Variants in PHF14 observed in about 807,000 individuals in gnomAD.
PHF14 encodes PHD finger protein 14.
In PHF14, 55 loss-of-function variants were observed where a neutral mutation model predicts 117.9. That is an observed-to-expected ratio of 0.47 (90% CI 0.38 to 0.58). PHF14 has a LOEUF of 0.58. Ranked by LOEUF, PHF14 falls within the 20% of genes least tolerant of loss-of-function variation. The pLI is 0.00. For synonymous variants in PHF14, 409 were observed against 368.6 expected (o/e 1.11, Z -1.26); for missense variants, 978 against 1,122.2 (o/e 0.87, Z 1.84).
chr7:11,122,569 G>A (rs568592144), intron 17 of PHF14, among the ~76,000 whole-genome samples: 1 of 151,036 alleles, frequency 6.6e-6, no homozygotes, highest in Non-Finnish European at 1.5e-5. Context: ...CTGATTCCCA[G>A]TAGAGGGAAC....
chr7:11,155,166 T>C (rs1458668825), intron 17 of PHF14, among the ~76,000 whole-genome samples: 1 of 152,206 alleles, frequency 6.6e-6, no homozygotes, highest in Admixed American at 6.5e-5. Flanking sequence ...TTTAATAATT[T>C]TAGTCGTCAA....
intron 16 of PHF14, chr7:11,063,011 G>T: frequency 1.3e-6 from 1 of 786,276 alleles, no homozygotes; most frequent in Non-Finnish European, 1.5e-6. Flanking sequence ...ATATATTAGT[G>T]TTGTTGTATG....
chr7:10,976,880 G>T (rs1781886476), intron 2 of PHF14, among the ~76,000 whole-genome samples: 2 of 149,074 alleles, frequency 1.3e-5, no homozygotes, highest in African/African-American at 2.5e-5. Context: ...GCCCCCTGGG[G>T]AGCTTAAATT....
chr7:11,145,642 A>G (rs1788528535), intron 17 of PHF14, among the ~76,000 whole-genome samples: 2 of 152,202 alleles, frequency 1.3e-5, no homozygotes, highest in South Asian at 2.1e-4. Flanking sequence ...TTATATTAAT[A>G]TACTTCATCG....
At chr7:11,001,087 G>T (rs558016352) in intron 4 of PHF14, among the ~76,000 whole-genome samples, 13 of 152,070 alleles carry the variant, frequency 8.5e-5, no homozygotes, top group Non-Finnish European at 1.3e-4. Context: ...TATACGGTCT[G>T]TCTCGGAATT....
chr7:11,058,106 A>G (rs1027090957), intron 14 of PHF14, among the ~76,000 whole-genome samples: 4 of 152,314 alleles, frequency 2.6e-5, no homozygotes, highest in South Asian at 2.1e-4. Flanking sequence ...TTCATCCTAC[A>G]GTTTTATTGT....
chr7:11,136,664 G>T (rs4644135), intron 17 of PHF14, among the ~76,000 whole-genome samples: 70,261 of 151,916 alleles, frequency 0.46, 16,941 homozygotes, highest in East Asian at 0.84. Context: ...ATCATGTGTA[G>T]TTCACTTTGT....
At chr7:11,132,988 A>G (rs1242454137) in intron 17 of PHF14, among the ~76,000 whole-genome samples, 1 of 151,950 alleles carries the variant, frequency 6.6e-6, no homozygotes, top group Non-Finnish European at 1.5e-5. Flanking sequence ...ATTCTTAGGT[A>G]TGAATCTAAC....
chr7:11,041,129 G>T (rs980785870), intron 12 of PHF14, among the ~76,000 whole-genome samples: 1 of 151,882 alleles, frequency 6.6e-6, no homozygotes, highest in Non-Finnish European at 1.5e-5. Flanking sequence ...AGATAGTGAT[G>T]GGTATCATAT....
At chr7:11,085,380 C>T in intron 16 of PHF14, among the ~76,000 whole-genome samples, 1 of 152,082 alleles carries the variant, frequency 6.6e-6, no homozygotes, top group East Asian at 1.9e-4. Flanking sequence ...AATATCAGGA[C>T]TGCTGATTTT....
At chr7:11,006,491 G>T in intron 4 of PHF14, 1 of 550,474 alleles carries the variant, frequency 1.8e-6, no homozygotes, top group East Asian at 4.8e-5. Context: ...GGCCGAATTA[G>T]GGTGTTGACA....
At chr7:11,033,490 A>G (rs576345646) in intron 7 of PHF14, among the ~76,000 whole-genome samples, 4 of 152,290 alleles carry the variant, frequency 2.6e-5, no homozygotes, top group Non-Finnish European at 5.9e-5. Context: ...CATACAACTT[A>G]TTGGCCAGAA....
chr7:11,104,111 A>ATTTTAGGT lies in PHF14; in HGVS notation c.2655-7234_2655-7227dup, dbSNP rs1308265204. 4.1e-6 allele frequency: 4 copies of ATTTTAGGT among 984,706 alleles called. No homozygotes were observed. In the African/African-American group the frequency reaches 7.0e-5, roughly 17 times the overall value. 61.0% of individuals were successfully genotyped at this position (984,706 alleles called of 1,614,324 possible). On this transcript the variant is annotated intron_variant, in intron 16 of 17. Transcript: ENST00000634607. ...GTGAGAAATTACTCGCAGTTGCTTTATTTTAGGTTTTTTGAGAAACTCTTA... is the reference window on the plus strand; with the variant it reads ...GTGAGAAATTACTCGCAGTTGCTTTATTTTAGGTTTTTAGGTTTTTTGAGAAACTCTTA...
At chr7:11,042,651 T>C (rs750790539) in intron 12 of PHF14, 32 bp from the exon 13 acceptor site, 21 of 1,473,554 alleles carry the variant, frequency 1.4e-5, no homozygotes, top group Admixed American at 4.4e-5. Context: ...ATAATTATTA[T>C]TGAAATCTTT....
chr7:11,144,925 T>G (rs1788503270), intron 17 of PHF14, among the ~76,000 whole-genome samples: 1 of 151,898 alleles, frequency 6.6e-6, no homozygotes, highest in Admixed American at 6.6e-5. Context: ...AGTAGAATTA[T>G]GGTTGCTAGG....
chr7:11,147,916 A>G (rs1788593125), intron 17 of PHF14, among the ~76,000 whole-genome samples: 1 of 152,184 alleles, frequency 6.6e-6, no homozygotes, highest in African/African-American at 2.4e-5. Flanking sequence ...TAATGTTACC[A>G]AAATAGAATT....
chr7:11,140,285 A>G (rs1788363886), intron 17 of PHF14, among the ~76,000 whole-genome samples: 2 of 152,140 alleles, frequency 1.3e-5, no homozygotes, highest in African/African-American at 4.8e-5. Flanking sequence ...TTTTATCCTT[A>G]CTATGTGCGA....
intron 13 of PHF14, among the ~76,000 whole-genome samples, chr7:11,045,545 A>C (rs1371373979): frequency 6.6e-6 from 1 of 152,170 alleles, no homozygotes; most frequent in Non-Finnish European, 1.5e-5. Flanking sequence ...TTCTACTCTA[A>C]TAACTATTTT....
At chr7:11,104,329 G>A (rs892614872) in intron 16 of PHF14, 2 of 978,068 alleles carry the variant, frequency 2.0e-6, no homozygotes, top group Non-Finnish European at 2.4e-6. Context: ...TATAGGTCCT[G>A]CAAAAAGTAT....
Sources: gnomAD v4.1 joint callset for allele counts (sites outside exome capture counted in the v4.1 genomes callset) on GRCh38, gnomAD v4.1.1 for gene constraint, MANE v1.5 for transcripts, NCBI Gene and HGNC (gene_info 2026-07-23, HGNC 2026-07-21) for gene names.